The following DCHS2 variants were observed in gnomAD, a reference collection of about 807,000 sequenced individuals.
DCHS2 encodes the protein protocadherin-23.
Under a neutral mutation model 182.4 loss-of-function variants are expected in DCHS2, and 142 were observed. The observed-to-expected ratio is 0.78, with a 90% CI of 0.68 to 0.89. DCHS2 has a LOEUF of 0.89. Ranked by LOEUF, DCHS2 falls within the 40% of genes least tolerant of loss-of-function variation. The pLI, the probability that DCHS2 is intolerant of heterozygous loss-of-function variation, is 0.00. For synonymous variants in DCHS2, 1,740 were observed against 1,663.3 expected, an observed-to-expected ratio of 1.05 and a Z score of -1.12; for missense variants, 4,319 against 4,198.6, an observed-to-expected ratio of 1.03 and a Z score of -0.79.
At chr4:154,488,224 A>AAT (rs1728658268) in intron 1 of DCHS2, among the ~76,000 whole-genome samples, 1 of 151,826 alleles carries the variant, frequency 6.6e-6, no homozygotes, top group African/African-American at 2.4e-5. Context: ...CAAAAAAAAA[A>AAT]GGAATGGCCT....
Position 154,328,281 on chromosome 4 carries a change from C to T in DCHS2, c.3919-89G>A, listed in dbSNP as rs1736377795. 1.4e-5 allele frequency: 12 copies of T among 847,414 alleles called. No homozygotes were observed. The South Asian group carries it at 2.5e-4, about 18-fold the overall frequency. The allele number at this position is 847,414 out of a possible 1,614,324, so 52.5% of individuals were successfully genotyped here. On this transcript the variant is annotated intron_variant, in intron 6 of 19. Transcript: ENST00000357232. ...CCTTTAAATGAATGAATACATTATACTAAACATTTTAAACTATCTTAAAAT... is the reference window on the plus strand; with the variant it reads ...CCTTTAAATGAATGAATACATTATATTAAACATTTTAAACTATCTTAAAAT...
intron 1 of DCHS2, among the ~76,000 whole-genome samples, chr4:154,417,053 C>T (rs1438178393): frequency 6.6e-6 from 1 of 152,122 alleles, no homozygotes; most frequent in Admixed American, 6.5e-5. Flanking sequence ...GCAACTACAA[C>T]CACAGGATCG....
chr4:154,292,903 T>G (rs1443810235), intron 13 of DCHS2, among the ~76,000 whole-genome samples: 1 of 152,188 alleles, frequency 6.6e-6, no homozygotes, highest in Non-Finnish European at 1.5e-5. Flanking sequence ...CTATATTAAA[T>G]ATGGTTGACC....
At chr4:154,325,999 G>A (rs1736266627) in intron 7 of DCHS2, among the ~76,000 whole-genome samples, 1 of 152,102 alleles carries the variant, frequency 6.6e-6, no homozygotes, top group Admixed American at 6.6e-5. Context: ...CATTTTCATT[G>A]CTGTATAGTA....
At position 154,236,808 on chromosome 4, in the gene DCHS2, C is replaced by A. The variant is rs62330241; in HGVS notation, c.7844G>T (p.Gly2615Val). 1 of 1,613,990 alleles carries A rather than the reference C, an allele frequency of 6.2e-7. No individual in the cohort carries two copies. Among genetic ancestry groups the A allele is most frequent in the Non-Finnish European group, 8.5e-7 (1 of 1,179,966 alleles). ...CAGACTGTGAAGCAACACAAGATAACCGACTTGCTTATAAGGATATTCTGA... is the reference window on the plus strand; with the variant it reads ...CAGACTGTGAAGCAACACAAGATAAACGACTTGCTTATAAGGATATTCTGA... ...FHSEYPYKQV[G>V]YLVLLHSLDR... The change falls in exon 20 of 20, where the codon GGT (glycine) becomes GTT (valine). Residue 2615 changes from glycine to valine, a missense_variant. Gly to Val is a moderately radical substitution (Grantham distance 109). Transcript: ENST00000357232.
At chr4:154,341,926 A>T (rs2054960) in intron 3 of DCHS2, among the ~76,000 whole-genome samples, 147,714 of 152,010 alleles carry the variant, frequency 0.97, 71,712 homozygotes, top group East Asian at 1. Flanking sequence ...TTATTTTTTT[A>T]ATTAAATGAA....
At chr4:154,274,205 A>G (rs1233951487) in intron 13 of DCHS2, among the ~76,000 whole-genome samples, 2 of 152,166 alleles carry the variant, frequency 1.3e-5, no homozygotes, top group African/African-American at 4.8e-5. Flanking sequence ...AGAAGCTCAA[A>G]ATTTTATATA....
chr4:154,426,536 G>A (rs1733332652), intron 1 of DCHS2, among the ~76,000 whole-genome samples: 1 of 152,144 alleles, frequency 6.6e-6, no homozygotes, highest in Admixed American at 6.6e-5. Context: ...ACAAAGGGGA[G>A]AAAAATGCCA....
At position 154,298,131 on chromosome 4, in the gene DCHS2, T is replaced by A; in HGVS notation, c.6183A>T (p.Arg2061Ser). 1 of 1,614,094 alleles carries A rather than the reference T, an allele frequency of 6.2e-7. No individual in the cohort carries two copies. The highest frequency in any genetic ancestry group is 8.5e-7 in the Non-Finnish European group (1 of 1,180,026). ...TGGGCCCCAAGTCCAGGTCATCAGC[T>A]CTCACAATGACAGTTGTCTGGTTTG... is the stretch of plus-strand genomic sequence containing the variant. ...SPTNQTTVIVRADDLDLGPNG... is the reference protein window; with the variant it reads ...SPTNQTTVIVSADDLDLGPNG... The change falls in exon 13 of 20, where the codon AGA (arginine) becomes AGT (serine). Residue 2061 changes from arginine to serine, a missense_variant. Transcript: ENST00000357232.
Position 154,242,645 on chromosome 4 carries a change from C to T in DCHS2, c.7069G>A (p.Glu2357Lys). 6.2e-7 allele frequency: 1 copy of T among 1,609,028 alleles called. No homozygotes were observed. Among genetic ancestry groups the T allele is most frequent in the South Asian group, 1.1e-5 (1 of 89,940 alleles). ...FLPSEAVEITEDSLPGVIVTH... is the reference protein window; with the variant it reads ...FLPSEAVEITKDSLPGVIVTH... ...TATGCCAAATTGTCACACTTACCTT[C>T]TGTAATTTCCACTGCTTCAGAGGGG... Residue 2357 changes from glutamate to lysine, a missense_variant, in exon 17 of 20, where the codon GAA becomes AAA. By Grantham distance (56) the Glu-to-Lys change is moderately conservative. Transcript: ENST00000357232.
At chr4:154,334,570 T>C (rs1361119429) in intron 4 of DCHS2, 2 of 265,920 alleles carry the variant, frequency 7.5e-6, no homozygotes, top group African/African-American at 4.4e-5. Flanking sequence ...GTAAATTGTG[T>C]GTACATGTGT....
chr4:154,487,311 C>T lies in DCHS2; in HGVS notation c.2052+1993G>A, dbSNP rs111729051. On this transcript the variant is annotated intron_variant, in intron 1 of 19. Transcript: ENST00000357232. Reference sequence around the variant, plus strand: ...TCAGCCTCCTTTGCAGTACATCTGACGCTGCATGGCTGGGCTCTGGCTAAT... The same window carrying T: ...TCAGCCTCCTTTGCAGTACATCTGATGCTGCATGGCTGGGCTCTGGCTAAT... Among the ~76,000 whole-genome samples the T allele has an allele frequency of 5.3e-3, 806 of 152,280 alleles. 4 individuals carry two copies. Among genetic ancestry groups the T allele is most frequent in the African/African-American group, 0.018 (744 of 41,540 alleles).
chr4:154,441,061 C>T (rs1174580112), intron 1 of DCHS2, among the ~76,000 whole-genome samples: 1 of 152,044 alleles, frequency 6.6e-6, no homozygotes, highest in Non-Finnish European at 1.5e-5. Flanking sequence ...CTGGCATGGG[C>T]AAAAATAAAG....
chr4:154,458,604 T>C (rs1734871569), intron 1 of DCHS2, among the ~76,000 whole-genome samples: 1 of 152,224 alleles, frequency 6.6e-6, no homozygotes, highest in African/African-American at 2.4e-5. Flanking sequence ...TGCCGTCTCT[T>C]GCACACACCA....
chr4:154,355,337 G>GCA (rs10637438), intron 3 of DCHS2, among the ~76,000 whole-genome samples: 131,627 of 152,004 alleles, frequency 0.87, 57,029 homozygotes, highest in South Asian at 0.93. Context: ...ACTCCCATCA[G>GCA]CTATGACAGT....
intron 13 of DCHS2, among the ~76,000 whole-genome samples, chr4:154,278,126 A>T (rs1014625307): frequency 1.3e-5 from 2 of 152,154 alleles, no homozygotes; most frequent in Admixed American, 6.6e-5. Flanking sequence ...AAATGAGGAA[A>T]ACTGCATGAA....
intron 14 of DCHS2, among the ~76,000 whole-genome samples, chr4:154,267,132 G>T (rs2111194532): frequency 6.6e-6 from 1 of 152,330 alleles, no homozygotes; most frequent in Admixed American, 6.5e-5. Context: ...TTTGATGAAT[G>T]TTACTGCGAC....
At chr4:154,478,396 C>A (rs998746214) in intron 1 of DCHS2, among the ~76,000 whole-genome samples, 25 of 152,110 alleles carry the variant, frequency 1.6e-4, no homozygotes, top group African/African-American at 6.0e-4. Context: ...AATACTTGAA[C>A]CTTCTAGGGG....
intron 1 of DCHS2, among the ~76,000 whole-genome samples, chr4:154,394,137 C>T (rs963604401): frequency 3.9e-5 from 6 of 152,132 alleles, no homozygotes; most frequent in Non-Finnish European, 8.8e-5. Flanking sequence ...TTCTCTTCTG[C>T]TGCTTCATAA....
Sources: gnomAD v4.1 joint callset for allele counts (sites outside exome capture counted in the v4.1 genomes callset) on GRCh38, gnomAD v4.1.1 for gene constraint, MANE v1.5 for transcripts, NCBI Gene and HGNC (gene_info 2026-07-23, HGNC 2026-07-21) for gene names.